Variants in RFWD3 observed in about 807,000 individuals in gnomAD.
RFWD3 encodes the protein E3 ubiquitin-protein ligase RFWD3.
In RFWD3, 65 loss-of-function variants were observed where a neutral mutation model predicts 87.7. The ratio of observed to expected loss-of-function variants is 0.74; its 90% CI spans 0.61 to 0.91. The LOEUF is 0.91. Among genes scored for constraint, RFWD3 ranks in the 40% least tolerant of loss-of-function variants. The pLI is 0.00. For synonymous variants in RFWD3, 433 were observed against 352.8 expected, an observed-to-expected ratio of 1.23 and a Z score of -2.55; for missense variants, 1,078 against 938.5, an observed-to-expected ratio of 1.15 and a Z score of -1.94.
intron 2 of RFWD3, among the ~76,000 whole-genome samples, chr16:74,658,924 C>T (rs3923862): frequency 6.6e-6 from 1 of 151,932 alleles, no homozygotes; most frequent in Non-Finnish European, 1.5e-5. Context: ...TGTGCCACCA[C>T]GCCCGGCTAA....
At chr16:74,665,817 G>C (rs1402611198) in intron 1 of RFWD3, among the ~76,000 whole-genome samples, 2 of 151,540 alleles carry the variant, frequency 1.3e-5, no homozygotes, top group Non-Finnish European at 2.9e-5. Context: ...CGTGATCTCA[G>C]CTCACTGCAA....
In RFWD3 at chr16:74,623,394, C is replaced by T. The variant is rs553319993; in HGVS notation, c.*534G>A. The T allele has an allele frequency of 6.5e-6, 1 of 152,962 alleles. No individual in the cohort carries two copies. The highest frequency in any genetic ancestry group is 1.9e-4 in the East Asian group (1 of 5,190). The allele number at this position is 152,962 out of a possible 1,614,324, so 9.5% of individuals were successfully genotyped here. A position where few individuals can be genotyped will look rare whatever the true frequency, so the allele number is the denominator to read the frequency against. On this transcript the variant is annotated 3_prime_UTR_variant, in exon 13 of 13. Transcript: ENST00000361070. ...GACAAGTTACTAAAAGATTGTCAGC[C>T]TTCAAGGTCAGAAATAAACCGGACA... is the stretch of plus-strand genomic sequence containing the variant.
At chr16:74,664,766 G>C (rs548672741) in intron 1 of RFWD3, 1 of 151,946 alleles carries the variant, frequency 6.6e-6, no homozygotes, top group African/African-American at 2.4e-5. Flanking sequence ...AAAAAAGAAA[G>C]AAATAAAATA....
chr16:74,640,832 G>A (rs1474203846), intron 6 of RFWD3, among the ~76,000 whole-genome samples: 4 of 151,962 alleles, frequency 2.6e-5, no homozygotes, highest in Admixed American at 6.6e-5. Context: ...TCAGCTACTC[G>A]TAAGGCTGAG....
intron 6 of RFWD3, among the ~76,000 whole-genome samples, chr16:74,640,632 G>C (rs1467188900): frequency 1.3e-5 from 2 of 151,788 alleles, no homozygotes; most frequent in African/African-American, 4.8e-5. Flanking sequence ...GATAGAGCAA[G>C]ACCCTGTCTT....
chr16:74,641,749 C>T (rs1211965015), intron 6 of RFWD3, among the ~76,000 whole-genome samples: 1 of 151,362 alleles, frequency 6.6e-6, no homozygotes, highest in Non-Finnish European at 1.5e-5. Context: ...ACGGTGAAAC[C>T]CTGTCTCTAC....
At chr16:74,640,351 G>T (rs1210657752) in intron 6 of RFWD3, among the ~76,000 whole-genome samples, 1 of 151,664 alleles carries the variant, frequency 6.6e-6, no homozygotes, top group Non-Finnish European at 1.5e-5. Flanking sequence ...TCATCATGTT[G>T]GTCAGGCTGG....
At chr16:74,660,040 G>T (rs922521951) in intron 2 of RFWD3, among the ~76,000 whole-genome samples, 1 of 152,138 alleles carries the variant, frequency 6.6e-6, no homozygotes, top group Admixed American at 6.6e-5. Context: ...GGGGAGCACA[G>T]TGAGACCCTG....
At chr16:74,637,210 C>T (rs1206875772) in intron 7 of RFWD3, among the ~76,000 whole-genome samples, 4 of 150,242 alleles carry the variant, frequency 2.7e-5, no homozygotes, top group Non-Finnish European at 4.4e-5. Context: ...TGCAGTAGTG[C>T]GATCACAGCT....
rs751244217 is a variant in RFWD3 at position 74,652,058 on chromosome 16, TG to T, written c.582del (p.Thr195LeufsTer45). 6 of 1,613,964 alleles carry T rather than the reference TG, an allele frequency of 3.7e-6. No homozygotes were observed. The highest frequency in any genetic ancestry group is 5.1e-6 in the Non-Finnish European group (6 of 1,180,020). ...GGATTCCTAGTCTCTGAATCATAAG[TG>T]GTAGCTGGCAAGTCAGGCTGGGTCC... ...VSRTQPDLPA[T>X]TYDSETRNPV... On this transcript the variant is annotated frameshift_variant, in exon 3 of 13. Coordinates refer to ENST00000361070, the MANE Select transcript of RFWD3 (RefSeq NM_018124.4). LOFTEE classifies it high-confidence loss of function.
Position 74,636,361 on chromosome 16 carries a change from C to A in RFWD3, c.1411G>T (p.Ala471Ser). ...CLVISQPSPQ[A>S]SFLPGFGVKM... ...GACTCTTTACCTGGAAGAAAAGAGG[C>A]CTGAGGAGAAGGCTGTGATATCACC... Residue 471 changes from alanine (A) to serine (S), a missense_variant, in exon 8 of 13, where the codon GCC becomes TCC. Ala to Ser is a moderately conservative substitution (Grantham distance 99). Coordinates refer to ENST00000361070, the MANE Select transcript of RFWD3 (RefSeq NM_018124.4). 1 of 1,613,994 alleles carries A rather than the reference C, an allele frequency of 6.2e-7. No homozygotes were observed. Among genetic ancestry groups the A allele is most frequent in the Non-Finnish European group, 8.5e-7 (1 of 1,179,904 alleles).
chr16:74,664,029 C>A (rs1410483451), intron 1 of RFWD3, among the ~76,000 whole-genome samples: 1 of 152,256 alleles, frequency 6.6e-6, no homozygotes, highest in African/African-American at 2.4e-5. Flanking sequence ...TTGAACCACA[C>A]AGGCTTACAC....
chr16:74,646,903 TCAA>T (rs71376295), intron 4 of RFWD3, among the ~76,000 whole-genome samples: 18,461 of 150,106 alleles, frequency 0.12, 1,437 homozygotes, highest in Admixed American at 0.23. Flanking sequence ...AAACCCCGTC[TCAA>T]CAACAACAAC....
chr16:74,644,982 G>A (rs765496716), intron 4 of RFWD3, among the ~76,000 whole-genome samples: 2 of 152,016 alleles, frequency 1.3e-5, no homozygotes, highest in South Asian at 2.1e-4. Context: ...TTCACTCAAA[G>A]GAAGAAAAGC....
chr16:74,628,429 T>A (rs777034036), intron 11 of RFWD3, 23 bp downstream of exon 11: 2 of 1,609,704 alleles, frequency 1.2e-6, no homozygotes, highest in Admixed American at 3.3e-5. Context: ...AAATAAGCTA[T>A]GGGAGACCCC....
chr16:74,626,951 A>G (rs1958958276), intron 11 of RFWD3, among the ~76,000 whole-genome samples: 1 of 152,140 alleles, frequency 6.6e-6, no homozygotes, highest in Admixed American at 6.5e-5. Context: ...GGGACTGCAC[A>G]TTTTTATAAA....
At chr16:74,648,780 A>C (rs558840651) in intron 4 of RFWD3, among the ~76,000 whole-genome samples, 45 of 152,010 alleles carry the variant, frequency 3.0e-4, no homozygotes, top group African/African-American at 1.1e-3. Context: ...GTCTCAAAAA[A>C]AAAGAAAAAA....
chr16:74,637,025 T>A (rs1005769908), intron 7 of RFWD3, among the ~76,000 whole-genome samples: 1 of 149,966 alleles, frequency 6.7e-6, no homozygotes, highest in South Asian at 2.1e-4. Flanking sequence ...AACTGCTGAG[T>A]TTTTACAGTA....
At position 74,636,407 on chromosome 16, in the gene RFWD3, G is replaced by A; in HGVS notation, c.1365C>T (p.Tyr455=). ...TCACCAGGCAGCTCAGAGCATCACAGTATGCCATGATCCGGCAGTTTCCTG... is the reference window on the plus strand; with the variant it reads ...TCACCAGGCAGCTCAGAGCATCACAATATGCCATGATCCGGCAGTTTCCTG... ...SQAGNCRIMA[Y]CDALSCLVIS... The change falls in exon 8 of 13, where the codon TAC becomes TAT. Residue 455 remains tyrosine (Y), a synonymous_variant. Coordinates refer to ENST00000361070, the MANE Select transcript of RFWD3 (RefSeq NM_018124.4). 1.2e-6 allele frequency: 2 copies of A among 1,614,210 alleles called. No individual in the cohort carries two copies. Among genetic ancestry groups the A allele is most frequent in the African/African-American group, 1.3e-5 (1 of 75,060 alleles).
Sources: gnomAD v4.1 joint callset for allele counts (sites outside exome capture counted in the v4.1 genomes callset) on GRCh38, gnomAD v4.1.1 for gene constraint, MANE v1.5 for transcripts, NCBI Gene and HGNC (gene_info 2026-07-23, HGNC 2026-07-21) for gene names.